MYPN: variants seen among roughly 807,000 people sequenced by gnomAD.
The protein encoded by MYPN is sarcomeric protein myopalladin, 145 kDa (MYOP).
A neutral mutation model predicts 129.4 loss-of-function variants in MYPN; 63 were observed. The observed-to-expected ratio is 0.49, with a 90% CI of 0.40 to 0.60. MYPN has a LOEUF of 0.60. Among genes scored for constraint, MYPN ranks in the 20% least tolerant of loss-of-function variants. MYPN has a pLI of 0.00. For missense variants in MYPN, 1,596 were observed against 1,635.4 expected, an observed-to-expected ratio of 0.98 and a Z score of 0.42; for synonymous variants, 629 against 600.9, an observed-to-expected ratio of 1.05 and a Z score of -0.68.
intron 10 of MYPN, among the ~76,000 whole-genome samples, chr10:68,169,161 C>T (rs1340620092): frequency 4.6e-5 from 6 of 129,490 alleles, no homozygotes; most frequent in East Asian, 2.2e-4. Context: ...CTGGTTAACA[C>T]GGTGAAACTC....
intron 2 of MYPN, among the ~76,000 whole-genome samples, chr10:68,135,233 G>A (rs1489823137): frequency 1.3e-5 from 2 of 152,250 alleles, no homozygotes; most frequent in Middle Eastern, 3.4e-3. Context: ...GATCACAGGC[G>A]TGAGCCACCG....
At chr10:68,178,008 A>G (rs983686135) in intron 12 of MYPN, among the ~76,000 whole-genome samples, 1 of 152,216 alleles carries the variant, frequency 6.6e-6, no homozygotes, top group East Asian at 1.9e-4. Context: ...TACTGACTAT[A>G]AACAATTTTC....
rs771893315 is a variant in MYPN at position 68,189,077 on chromosome 10, G to A, written c.2876G>A (p.Gly959Asp). ...CTCAAGCACTTCCGGGTCACAGAAG[G>A]CTCTCCAGTTACATTCACCTGCAAA... ...KRLKHFRVTE[G>D]SPVTFTCKIV... Residue 959 changes from glycine (G) to aspartate (D), a missense_variant, in exon 13 of 20, where the codon GGC becomes GAC. Gly to Asp is a moderately conservative substitution (Grantham distance 94, BLOSUM62 -1). Coordinates refer to ENST00000358913, the MANE Select transcript of MYPN (RefSeq NM_032578.4). 52 of 1,614,004 alleles carry A rather than the reference G, an allele frequency of 3.2e-5. No homozygotes were observed. The Admixed American group carries it at 8.7e-4, about 27-fold the overall frequency.
chr10:68,138,365 G>T (rs2042520662), intron 2 of MYPN, among the ~76,000 whole-genome samples: 1 of 151,326 alleles, frequency 6.6e-6, no homozygotes, highest in Admixed American at 6.6e-5. Flanking sequence ...GCCTCCTAAA[G>T]TGCTGGGATT....
intron 2 of MYPN, chr10:68,136,463 T>A: frequency 1.9e-6 from 2 of 1,063,076 alleles, no homozygotes; most frequent in Non-Finnish European, 2.5e-6. Flanking sequence ...GAGAGTATGG[T>A]TCCCCCTGAC....
intron 2 of MYPN, among the ~76,000 whole-genome samples, chr10:68,141,968 C>G (rs572020977): frequency 6.6e-6 from 1 of 152,186 alleles, no homozygotes; most frequent in African/African-American, 2.4e-5. Flanking sequence ...TGCATCAGTC[C>G]CCTGAGGATG....
chr10:68,137,912 G>A (rs2042511944), intron 2 of MYPN, among the ~76,000 whole-genome samples: 2 of 152,056 alleles, frequency 1.3e-5, no homozygotes, highest in Admixed American at 1.3e-4. Context: ...AACCCTTAAT[G>A]TAAACATCAC....
chr10:68,100,399 A>G (rs2041976294), intron 1 of MYPN, among the ~76,000 whole-genome samples: 1 of 152,148 alleles, frequency 6.6e-6, no homozygotes, highest in African/African-American at 2.4e-5. Context: ...TTTTAAGTGT[A>G]CTGTTTATTT....
chr10:68,168,858 T>G (rs1430982906), intron 10 of MYPN, among the ~76,000 whole-genome samples: 1 of 151,868 alleles, frequency 6.6e-6, no homozygotes, highest in African/African-American at 2.4e-5. Context: ...CCAGGTGTGG[T>G]GGCGCGTGCC....
chr10:68,122,406 T>C, intron 2 of MYPN, 66 bp downstream of exon 2: 1 of 1,548,248 alleles, frequency 6.5e-7, no homozygotes, highest in African/African-American at 1.4e-5. Flanking sequence ...CTCCCAAGTA[T>C]TATCATTTAA....
Position 68,130,126 on chromosome 10 carries a change from A to AT in MYPN, c.902+7792dup, listed in dbSNP as rs796201952. Among the ~76,000 whole-genome samples, 37 of 152,076 alleles carry AT rather than the reference A, an allele frequency of 2.4e-4. 1 individual carries two copies. Among genetic ancestry groups the AT allele is most frequent in the African/African-American group, 7.7e-4 (32 of 41,478 alleles). On this transcript the variant is annotated intron_variant, in intron 2 of 19. Coordinates refer to ENST00000358913, the MANE Select transcript of MYPN (RefSeq NM_032578.4). ...CATCTTTCACCCATTTTTCTATTGG[A>AT]TTTTTTGTTCTTTTCTTATTGATTT...
At chr10:68,096,412 A>G (rs1429432321) in intron 1 of MYPN, among the ~76,000 whole-genome samples, 1 of 152,094 alleles carries the variant, frequency 6.6e-6, no homozygotes, top group Non-Finnish European at 1.5e-5. Context: ...AAATACAAAA[A>G]TTAGCCGGGC....
At chr10:68,106,636 T>A, upstream of MYPN, 1 of 706,606 alleles carries the variant, frequency 1.4e-6, no homozygotes, top group South Asian at 1.5e-5. Flanking sequence ...ATGTGAGTAA[T>A]TTGTTTTAGA....
intron 1 of MYPN, among the ~76,000 whole-genome samples, chr10:68,088,496 A>G (rs1192639730): frequency 1.3e-5 from 2 of 152,236 alleles, no homozygotes; most frequent in Non-Finnish European, 2.9e-5. Flanking sequence ...GAACTGGATC[A>G]GTGATAGATT....
chr10:68,205,536 A>G (rs1451245973), intron 18 of MYPN, among the ~76,000 whole-genome samples: 3 of 151,808 alleles, frequency 2.0e-5, no homozygotes, highest in East Asian at 3.9e-4. Context: ...AAAAAAGAAA[A>G]ATTAGGCAGG....
chr10:68,193,531 C>T lies in MYPN; in HGVS notation c.2926-832C>T, dbSNP rs139372082. ...TTGGTAAATGCTGAAAATGTCATATCGTTATCACTGGATGCTGAAAAATCA... is the reference window on the plus strand; with the variant it reads ...TTGGTAAATGCTGAAAATGTCATATTGTTATCACTGGATGCTGAAAAATCA... On this transcript the variant is annotated intron_variant, in intron 13 of 19. Transcript: ENST00000358913. 2.2e-3 allele frequency among the ~76,000 whole-genome samples: 337 copies of T among 152,214 alleles called. 4 individuals carry two copies. Among genetic ancestry groups the T allele is most frequent in the African/African-American group, 7.6e-3 (314 of 41,528 alleles).
intron 3 of MYPN, among the ~76,000 whole-genome samples, chr10:68,145,013 C>T (rs188149217): frequency 1.3e-5 from 2 of 151,768 alleles, no homozygotes; most frequent in African/African-American, 4.8e-5. Flanking sequence ...TGTAGTGAAT[C>T]AATGAGTTCA....
rs75739924 is a variant in MYPN, at chr10:68,150,021, G to A, written c.1246-19G>A. ...TAATATTAGTAACAATGAATTTACTGTTGCTTCCCTTCTACCAGTGTCAGA... is the reference window on the plus strand; with the variant it reads ...TAATATTAGTAACAATGAATTTACTATTGCTTCCCTTCTACCAGTGTCAGA... On this transcript the variant is annotated intron_variant, in intron 5 of 19. Transcript: ENST00000358913. 3.2e-4 allele frequency: 506 copies of A among 1,605,916 alleles called. 1 individual carries two copies. The African/African-American group carries it at 5.6e-3, about 18-fold the overall frequency.
rs763459469 is a variant in MYPN at position 68,109,492 on chromosome 10, T to C, written c.-233T>C. 9 of 454,124 alleles carry C rather than the reference T, an allele frequency of 2.0e-5. No homozygotes were observed. The highest frequency in any genetic ancestry group is 1.2e-4 in the South Asian group (8 of 64,482). The allele number at this position is 454,124 out of a possible 1,614,324, so 28.1% of individuals were successfully genotyped here. A position where few individuals can be genotyped will look rare whatever the true frequency, so the allele number is the denominator to read the frequency against. The stretch of plus-strand genomic sequence containing the variant: ...TCAAAATAACTTGGGACCTGTGAGC[T>C]GACAAATGCTCTGGCTCCGGTGGTG... On this transcript the variant is annotated 5_prime_UTR_variant, in exon 1 of 20. Transcript: ENST00000358913.
Sources: gnomAD v4.1 joint callset for allele counts (sites outside exome capture counted in the v4.1 genomes callset) on GRCh38, gnomAD v4.1.1 for gene constraint, MANE v1.5 for transcripts, NCBI Gene and HGNC (gene_info 2026-07-23, HGNC 2026-07-21) for gene names.